Variants in ALG1 observed in about 807,000 individuals in gnomAD.
The protein encoded by ALG1 is ALG1 chitobiosyldiphosphodolichol beta-mannosyltransferase.
ALG1 carries 58 observed loss-of-function variants against 55.1 expected under a neutral mutation model. That is an observed-to-expected ratio of 1.05 (90% CI 0.85 to 1.31). The LOEUF (loss-of-function observed/expected upper bound fraction) is 1.31. Among genes scored for constraint, ALG1 ranks in the 50% most tolerant of loss-of-function variants. The pLI is 0.00. For synonymous variants in ALG1, 309 were observed against 247.0 expected (o/e 1.25, Z -2.35); for missense variants, 761 against 598.6 (o/e 1.27, Z -2.83).
At chr16:5,082,745 G>A in intron 11 of ALG1, 72 bp downstream of exon 11, 1 of 1,576,090 alleles carries the variant, frequency 6.3e-7, no homozygotes, top group Admixed American at 1.7e-5. Context: ...CAGTGCAGAG[G>A]GAGCTGCCCA....
rs1293522169 is a variant in ALG1 at position 5,082,576 on chromosome 16, G to A, written c.1090G>A (p.Val364Ile). Residue 364 changes from valine (V) to isoleucine (I), a missense_variant, in exon 11 of 13, where the codon GTC becomes ATC. Val to Ile is a conservative substitution (Grantham distance 29). Transcript: ENST00000262374. ...CCTAGCAGGGTCGGCGGACCTGGGT[G>A]TCTGTCTGCACACGTCCTCCAGTGG... ...PLLLGSADLG[V>I]CLHTSSSGLD... 3.7e-6 allele frequency: 6 copies of A among 1,611,896 alleles called. No homozygotes were observed. The highest frequency in any genetic ancestry group is 1.3e-5 in the African/African-American group (1 of 74,858).
chr16:5,078,679 C>T lies in ALG1; in HGVS notation c.741-78C>T, dbSNP rs980631380. On this transcript the variant is annotated intron_variant, in intron 6 of 12. Transcript: ENST00000262374. ...CCAACCTCTGGGAGCCTGCAGGCCT[C>T]GCCACGGCAGGAGATGCCTCTCCTG... The T allele has an allele frequency of 2.2e-5, 36 of 1,611,118 alleles. No homozygotes were observed. In the Middle Eastern group the frequency reaches 6.7e-4, roughly 30 times the overall value.
Position 5,085,585 on chromosome 16 carries a change from T to A in ALG1, c.*704T>A, listed in dbSNP as rs1047502. 56 of 1,321,978 alleles carry A rather than the reference T, an allele frequency of 4.2e-5. No homozygotes were observed. Among genetic ancestry groups the A allele is most frequent in the African/African-American group, 3.3e-4 (23 of 69,022 alleles). The allele number at this position is 1,321,978 out of a possible 1,614,324, so 81.9% of individuals were successfully genotyped here. On this transcript the variant is annotated 3_prime_UTR_variant, in exon 13 of 13. Coordinates refer to ENST00000262374, the MANE Select transcript of ALG1 (RefSeq NM_019109.5). The stretch of plus-strand genomic sequence containing the variant: ...CTTTCCCATATAAAAATTCTTCCCA[T>A]GAGAGTGACTTGATTCTCACAATCC...
chr16:5,084,032 G>A (rs966508985), intron 12 of ALG1, among the ~76,000 whole-genome samples: 4 of 152,224 alleles, frequency 2.6e-5, no homozygotes, highest in African/African-American at 4.8e-5. Context: ...GCCGGGCTGC[G>A]GTTGAGGAAG....
intron 10 of ALG1, among the ~76,000 whole-genome samples, chr16:5,082,007 A>G (rs1398319625): frequency 2.0e-5 from 3 of 151,526 alleles, no homozygotes; most frequent in Non-Finnish European, 4.4e-5. Flanking sequence ...CAATGGTGTG[A>G]TCTTGGCTCA....
intron 12 of ALG1, chr16:5,084,541 G>A: frequency 1.3e-6 from 1 of 787,968 alleles, no homozygotes; most frequent in Non-Finnish European, 2.1e-6. Flanking sequence ...GTGTGGGAAA[G>A]TGGGACATGC....
intron 9 of ALG1, 109 bp from the exon 10 acceptor site, chr16:5,080,837 G>A (rs1221004267): frequency 2.1e-6 from 3 of 1,448,624 alleles, no homozygotes; most frequent in Non-Finnish European, 2.9e-6. Flanking sequence ...CTGCTGAGGG[G>A]TGGAGCTTCT....
At chr16:5,081,777 G>A (rs914329821) in intron 10 of ALG1, among the ~76,000 whole-genome samples, 1 of 152,034 alleles carries the variant, frequency 6.6e-6, no homozygotes. Context: ...GGCCAGGCTG[G>A]TCTTGAACTC....
At position 5,078,968 on chromosome 16, in the gene ALG1, C is replaced by A. The variant is rs1279732871; in HGVS notation, c.862+90C>A. Reference sequence around the variant, plus strand: ...TCACCCCTGCCAGTCCTGCATGCTCCCACCCTGCCACGGTCTCAATGAGAA... The same window carrying A: ...TCACCCCTGCCAGTCCTGCATGCTCACACCCTGCCACGGTCTCAATGAGAA... On this transcript the variant is annotated intron_variant, in intron 7 of 12. Coordinates refer to ENST00000262374, the MANE Select transcript of ALG1 (RefSeq NM_019109.5). The A allele has an allele frequency of 3.8e-6, 6 of 1,594,372 alleles. No individual in the cohort carries two copies. In the African/African-American group the frequency reaches 4.0e-5, roughly 11 times the overall value.
At position 5,072,970 on chromosome 16, in the gene ALG1, G is replaced by A. The variant is rs1182016813; in HGVS notation, c.228G>A (p.Glu76=). The change falls in exon 2 of 13, where the codon GAG becomes GAA. Residue 76 remains glutamate, a synonymous_variant. Coordinates refer to ENST00000262374, the MANE Select transcript of ALG1 (RefSeq NM_019109.5). ...TTTCAGACTCCAAACCCCATGATGA[G>A]CTCTTGCAGAACAACAGAATTCAGA... ...LGFCNSKPHD[E]LLQNNRIQIV... 6.2e-7 allele frequency: 1 copy of A among 1,614,078 alleles called. No homozygotes were observed. Among genetic ancestry groups the A allele is most frequent in the African/African-American group, 1.3e-5 (1 of 74,928 alleles).
chr16:5,080,830 C>T (rs2142721509), intron 9 of ALG1, 116 bp from the exon 10 acceptor site: 1 of 1,408,562 alleles, frequency 7.1e-7, no homozygotes, highest in African/African-American at 1.4e-5. Flanking sequence ...ACTGGAGCTG[C>T]TGAGGGGTGG....
chr16:5,080,048 T>G lies in ALG1; in HGVS notation c.961+241T>G, dbSNP rs577819609. Among the ~76,000 whole-genome samples, 89 of 151,506 alleles carry G rather than the reference T, an allele frequency of 5.9e-4. 1 individual carries two copies. The highest frequency in any genetic ancestry group is 2.3e-3 in the South Asian group (11 of 4,818). Reference sequence around the variant, plus strand: ...TTCAGTAGTTTCCAAGCATCTTTTTTTTGTTGTTGTTACGTCATTGGTGTC... The same window carrying G: ...TTCAGTAGTTTCCAAGCATCTTTTTGTTGTTGTTGTTACGTCATTGGTGTC... On this transcript the variant is annotated intron_variant, in intron 9 of 12. Transcript: ENST00000262374.
Position 5,082,628 on chromosome 16 carries a change from A to C in ALG1, c.1142A>C (p.Asp381Ala). Reference protein sequence around the residue: ...SGLDLPMKVVDMFGCCLPVCA... With the variant: ...SGLDLPMKVVAMFGCCLPVCA... The stretch of plus-strand genomic sequence containing the variant: ...CTGGACCTGCCCATGAAGGTGGTGG[A>C]CATGTTCGGGTGCTGTTTGCCTGTG... The change falls in exon 11 of 13, where the codon GAC becomes GCC. Residue 381 changes from aspartate to alanine, a missense_variant. Physicochemically the swap from Asp to Ala is moderately radical, Grantham distance 126. Transcript: ENST00000262374. 1 of 1,611,978 alleles carries C rather than the reference A, an allele frequency of 6.2e-7. No homozygotes were observed. Among genetic ancestry groups the C allele is most frequent in the Non-Finnish European group, 8.5e-7 (1 of 1,179,856 alleles).
chr16:5,083,894 G>T, intron 12 of ALG1, 137 bp downstream of exon 12: 2 of 1,391,490 alleles, frequency 1.4e-6, no homozygotes, highest in Non-Finnish European at 1.9e-6. Context: ...GGGAGCAGAG[G>T]TCACAGAGGC....
At chr16:5,082,116 A>AT (rs1444617306) in intron 10 of ALG1, among the ~76,000 whole-genome samples, 3 of 145,576 alleles carry the variant, frequency 2.1e-5, no homozygotes, top group East Asian at 2.1e-4. Context: ...CTAATTTTGT[A>AT]TTTTTTTTAG....
At chr16:5,084,055 C>T (rs553534919) in intron 12 of ALG1, among the ~76,000 whole-genome samples, 5 of 152,254 alleles carry the variant, frequency 3.3e-5, no homozygotes, top group Middle Eastern at 3.4e-3. Flanking sequence ...ATCAGGATCA[C>T]GTAGGTGGGC....
chr16:5,075,580 T>C, intron 4 of ALG1, 44 bp downstream of exon 4: 7 of 1,611,038 alleles, frequency 4.3e-6, no homozygotes, highest in Non-Finnish European at 5.9e-6. Context: ...CCTAAACCAC[T>C]CAAGGATGAG....
chr16:5,079,903 C>G (rs1956986100), intron 9 of ALG1, 96 bp downstream of exon 9: 2 of 1,455,012 alleles, frequency 1.4e-6, no homozygotes, highest in Admixed American at 1.7e-5. Flanking sequence ...ATCTTGTCTC[C>G]TTAATCCTCA....
At chr16:5,083,850 G>A (rs1380167985) in intron 12 of ALG1, 93 bp downstream of exon 12, 15 of 1,572,738 alleles carry the variant, frequency 9.5e-6, no homozygotes, top group Non-Finnish European at 1.3e-5. Flanking sequence ...CAGCCAGGGT[G>A]GGACCATGTG....
Sources: gnomAD v4.1 joint callset for allele counts (sites outside exome capture counted in the v4.1 genomes callset) on GRCh38, gnomAD v4.1.1 for gene constraint, MANE v1.5 for transcripts, NCBI Gene and HGNC (gene_info 2026-07-23, HGNC 2026-07-21) for gene names.